Variants in RHBDF2 observed in about 807,000 individuals in gnomAD.
RHBDF2 encodes rhomboid 5 homolog 2, also known as inactive rhomboid protein 2.
RHBDF2 carries 38 observed loss-of-function variants against 95.2 expected under a neutral mutation model. The ratio of observed to expected loss-of-function variants is 0.40; its 90% CI spans 0.31 to 0.52. The LOEUF is 0.52. Among genes scored for constraint, RHBDF2 ranks in the 20% least tolerant of loss-of-function variants. RHBDF2 has a pLI of 0.56. For synonymous variants in RHBDF2, 442 were observed against 462.0 expected (o/e 0.96, Z 0.55); for missense variants, 863 against 1,137.7 (o/e 0.76, Z 3.47).
intron 2 of RHBDF2, among the ~76,000 whole-genome samples, chr17:76,483,410 C>T (rs989173411): frequency 6.6e-6 from 1 of 152,164 alleles, no homozygotes; most frequent in Admixed American, 6.5e-5. Flanking sequence ...CTCAGCCTCC[C>T]AAGAAGCTCG....
intron 10 of RHBDF2, 74 bp from the exon 11 acceptor site, chr17:76,474,878 C>T: frequency 6.4e-7 from 1 of 1,574,254 alleles, no homozygotes; most frequent in Admixed American, 1.7e-5. Context: ...GGGCAGCTGT[C>T]CCCAGGATAG....
chr17:76,484,515 C>T (rs1409453626), intron 2 of RHBDF2, among the ~76,000 whole-genome samples: 2 of 152,050 alleles, frequency 1.3e-5, no homozygotes, highest in African/African-American at 2.4e-5. Flanking sequence ...TCCACCTCAC[C>T]TCCACCATCT....
rs548469800 is a variant in RHBDF2 at position 76,476,952 on chromosome 17, A to C, written c.993T>G (p.Phe331Leu). The C allele has an allele frequency of 6.2e-7, 1 of 1,613,994 alleles. No homozygotes were observed. The highest frequency in any genetic ancestry group is 2.2e-5 in the East Asian group (1 of 44,886). ...GKRIASKVKH[F>L]AFDRKKRHYG... ...AGTGCCGCTTCTTCCGATCAAAGGC[A>C]AAGTGCTTCACCTTGGAGGCGATGC... Residue 331 changes from phenylalanine to leucine, a missense_variant, in exon 9 of 19, where the codon TTT (phenylalanine) becomes TTG (leucine). This residue lies in a region of RHBDF2 where 611 missense variants were observed against 725.5 expected (regional missense o/e 0.84). Transcript: ENST00000675367.
Position 76,476,926 on chromosome 17 carries a change from T to G in RHBDF2, c.1019A>C (p.Tyr340Ser). The G allele has an allele frequency of 6.2e-7, 1 of 1,613,836 alleles. No homozygotes were observed. Among genetic ancestry groups the G allele is most frequent in the South Asian group, 1.1e-5 (1 of 91,080 alleles). ...CCAGTTGCCCACCACGCCGAGGCCG[T>G]AGTGCCGCTTCTTCCGATCAAAGGC... ...HFAFDRKKRH[Y>S]GLGVVGNWLN... Residue 340 changes from tyrosine (Y) to serine (S), a missense_variant, in exon 9 of 19, where the codon TAC becomes TCC. Coordinates refer to ENST00000675367, the MANE Select transcript of RHBDF2 (RefSeq NM_001005498.4).
In RHBDF2 at chr17:76,498,296, C is replaced by CCGACAGCCAG. The variant is rs529371157; in HGVS notation, c.-220+3047_-220+3056dup. On this transcript the variant is annotated intron_variant, in intron 1 of 18. Coordinates refer to ENST00000675367, the MANE Select transcript of RHBDF2 (RefSeq NM_001005498.4). ...CTGGATAGGAAACTGGGAGCCGCTT[C>CCGACAGCCAG]CGACAGCCAGCGCTTCCACAGCCGG... Among the ~76,000 whole-genome samples, 279 of 152,336 alleles carry CCGACAGCCAG rather than the reference C, an allele frequency of 1.8e-3. 5 individuals carry two copies. Among genetic ancestry groups the CCGACAGCCAG allele is most frequent in the African/African-American group, 6.5e-3 (271 of 41,576 alleles).
chr17:76,475,358 T>C (rs1014965811), intron 9 of RHBDF2, among the ~76,000 whole-genome samples: 1 of 152,182 alleles, frequency 6.6e-6, no homozygotes, highest in Non-Finnish European at 1.5e-5. Flanking sequence ...TTGGGACAAA[T>C]TCCAGAATCA....
At position 76,498,638 on chromosome 17, in the gene RHBDF2, C is replaced by T. The variant is rs964055178; in HGVS notation, c.-220+2715G>A. 5.1e-4 allele frequency among the ~76,000 whole-genome samples: 77 copies of T among 152,226 alleles called. 1 individual carries two copies. Among genetic ancestry groups the T allele is most frequent in the Admixed American group, 2.0e-4 (3 of 15,290 alleles). On this transcript the variant is annotated intron_variant, in intron 1 of 18. Coordinates refer to ENST00000675367, the MANE Select transcript of RHBDF2 (RefSeq NM_001005498.4). ...AGAAACCTTGGTGGAGAGGCCACCACAGTATCCAGAGCTGAGGCCACAGGA... is the reference window on the plus strand; with the variant it reads ...AGAAACCTTGGTGGAGAGGCCACCATAGTATCCAGAGCTGAGGCCACAGGA...
At chr17:76,480,922 C>T (rs897717062) in intron 3 of RHBDF2, among the ~76,000 whole-genome samples, 5 of 152,198 alleles carry the variant, frequency 3.3e-5, no homozygotes, top group African/African-American at 1.2e-4. Context: ...CTTTATGGGG[C>T]ACTAGACCAG....
In RHBDF2 at chr17:76,476,820, G is replaced by A. The variant is rs768025936; in HGVS notation, c.1115+10C>T. Reference sequence around the variant, plus strand: ...CAGGCTCTCCTGGGGGCTCCAGGGCGACACCTCACCGGTGGCTGTCGAAGC... The same window carrying A: ...CAGGCTCTCCTGGGGGCTCCAGGGCAACACCTCACCGGTGGCTGTCGAAGC... On this transcript the variant is annotated intron_variant, in intron 9 of 18. Coordinates refer to ENST00000675367, the MANE Select transcript of RHBDF2 (RefSeq NM_001005498.4). 7 of 1,588,030 alleles carry A rather than the reference G, an allele frequency of 4.4e-6. No individual in the cohort carries two copies. The highest frequency in any genetic ancestry group is 1.8e-5 in the Admixed American group (1 of 55,772).
At chr17:76,493,782 G>A (rs753533931) in intron 1 of RHBDF2, among the ~76,000 whole-genome samples, 7 of 152,236 alleles carry the variant, frequency 4.6e-5, no homozygotes, top group East Asian at 3.8e-4. Context: ...AGCTGCTGAT[G>A]GAGAGAAACA....
intron 9 of RHBDF2, 112 bp from the exon 10 acceptor site, chr17:76,475,253 C>T (rs2144085573): frequency 1.4e-6 from 1 of 694,986 alleles, no homozygotes; most frequent in East Asian, 2.8e-5. Flanking sequence ...CCCTGTTCTG[C>T]CCCGTCAACT....
At position 76,479,179 on chromosome 17, in the gene RHBDF2, CG is replaced by C. The variant is rs2073867353; in HGVS notation, c.370del (p.Arg124AlafsTer2). ...GTCACGCTGGCACGAGGCCTTCAGG[CG>C]GCCGTAGCGCATGCTGCAGTGGTGC... Reference protein sequence around the residue: ...SLHHCSMRYGRLKASCQRDLE... With the variant: ...SLHHCSMRYGXLKASCQRDLE... On this transcript the variant is annotated frameshift_variant, in exon 5 of 19. Coordinates refer to ENST00000675367, the MANE Select transcript of RHBDF2 (RefSeq NM_001005498.4). LOFTEE classifies it high-confidence loss of function. The C allele has an allele frequency of 6.2e-7, 1 of 1,611,906 alleles. No individual in the cohort carries two copies. Among genetic ancestry groups the C allele is most frequent in the African/African-American group, 1.3e-5 (1 of 74,922 alleles).
At position 76,471,927 on chromosome 17, in the gene RHBDF2, C is replaced by A. The variant is rs748278517; in HGVS notation, c.2190G>T (p.Leu730=). The A allele has an allele frequency of 6.4e-7, 1 of 1,573,944 alleles. No homozygotes were observed. The highest frequency in any genetic ancestry group is 8.6e-7 in the Non-Finnish European group (1 of 1,159,520). Residue 730 remains leucine (L), a synonymous_variant, in exon 19 of 19, where the codon CTG becomes CTT. Transcript: ENST00000675367. Reference sequence around the variant, plus strand: ...TCCAGGGCAGGAGGCCACAGATGAACAGGAAGAGCACGATGGCCGAGAGGT... The same window carrying A: ...TCCAGGGCAGGAGGCCACAGATGAAAAGGAAGAGCACGATGGCCGAGAGGT... ...FLNLSAIVLF[L]FICGLLPWID...
In RHBDF2 at chr17:76,481,496, C is replaced by A. The variant is rs574978777; in HGVS notation, c.29G>T (p.Ser10Ile). ...GCGGCTGCTGGACACAGAGGACACG[C>A]TCCCGCCATTCTTGTCAGCAGAGGC... MASADKNGG[S>I]VSSVSSSRLQ... The change falls in exon 3 of 19, where the codon AGC (serine) becomes ATC (isoleucine). Residue 10 changes from serine to isoleucine, a missense_variant. Ser to Ile is a moderately radical substitution (Grantham distance 142, BLOSUM62 -2). Around this residue, in one of 2 missense-constraint regions of RHBDF2, gnomAD observed 611 missense variants for 725.5 expected, o/e 0.84. Transcript: ENST00000675367. 1 of 1,605,234 alleles carries A rather than the reference C, an allele frequency of 6.2e-7. No individual in the cohort carries two copies. The highest frequency in any genetic ancestry group is 1.3e-5 in the African/African-American group (1 of 74,892).
chr17:76,477,553 T>A, intron 7 of RHBDF2, 104 bp downstream of exon 7: 1 of 1,323,162 alleles, frequency 7.6e-7, no homozygotes, highest in South Asian at 1.3e-5. Flanking sequence ...GCAGTGGGCC[T>A]CTGGGTCCCT....
In RHBDF2 at chr17:76,478,176, C is replaced by T. The variant is rs373943249; in HGVS notation, c.673-391G>A. Reference sequence around the variant, plus strand: ...CACGGAATACCAGGTCCCTGCCCACCTTTCTGACCCCATCTCCTGCCACAG... The same window carrying T: ...CACGGAATACCAGGTCCCTGCCCACTTTTCTGACCCCATCTCCTGCCACAG... On this transcript the variant is annotated intron_variant, in intron 6 of 18. Coordinates refer to ENST00000675367, the MANE Select transcript of RHBDF2 (RefSeq NM_001005498.4). 8.7e-4 allele frequency among the ~76,000 whole-genome samples: 133 copies of T among 152,358 alleles called. 2 individuals are homozygous for T. In the East Asian group the frequency reaches 0.016, roughly 18 times the overall value.
At chr17:76,485,735 G>A (rs912958883) in intron 2 of RHBDF2, among the ~76,000 whole-genome samples, 1 of 152,184 alleles carries the variant, frequency 6.6e-6, no homozygotes. Flanking sequence ...GCAGATGAAG[G>A]CACAAATATA....
Position 76,473,647 on chromosome 17 carries a change from C to T in RHBDF2, c.1733+1G>A. 6.2e-7 allele frequency: 1 copy of T among 1,604,280 alleles called. No individual in the cohort carries two copies. The highest frequency in any genetic ancestry group is 8.5e-7 in the Non-Finnish European group (1 of 1,176,094). On this transcript the variant is annotated splice_donor_variant, in intron 15 of 18. Coordinates refer to ENST00000675367, the MANE Select transcript of RHBDF2 (RefSeq NM_001005498.4). LOFTEE classifies it high-confidence loss of function. Reference sequence around the variant, plus strand: ...CTGAGGCCAGGGCCCAGGTCGCTCACCTGCCCTTGGTGCCGATGCAGCAGG... The same window carrying T: ...CTGAGGCCAGGGCCCAGGTCGCTCATCTGCCCTTGGTGCCGATGCAGCAGG...
chr17:76,476,785 T>C, intron 9 of RHBDF2, 45 bp downstream of exon 9: 1 of 1,531,362 alleles, frequency 6.5e-7, no homozygotes, highest in Non-Finnish European at 8.8e-7. Context: ...CAGAGGAATT[T>C]GGAACCTTCC....
Sources: gnomAD v4.1 joint callset for allele counts (sites outside exome capture counted in the v4.1 genomes callset) on GRCh38, gnomAD v4.1.1 for gene constraint, gnomAD v4.1.1 regional missense constraint, MANE v1.5 for transcripts, NCBI Gene and HGNC (gene_info 2026-07-23, HGNC 2026-07-21) for gene names.